CAMKMT: variants seen among roughly 807,000 people sequenced by gnomAD.
CAMKMT encodes CaM KMT.
Under a neutral mutation model 48.0 loss-of-function variants are expected in CAMKMT, and 53 were observed. The observed-to-expected ratio is 1.10, with a 90% confidence interval of 0.89 to 1.39. CAMKMT has a LOEUF of 1.39. Among genes scored for constraint, CAMKMT ranks in the 40% most tolerant of loss-of-function variants. The pLI is 0.00. For missense variants in CAMKMT, 428 were observed against 402.7 expected (o/e 1.06, Z -0.54); for synonymous variants, 165 against 152.3 (o/e 1.08, Z -0.61).
At chr2:44,682,007 C>A (rs1039448884) in intron 3 of CAMKMT, among the ~76,000 whole-genome samples, 2 of 152,166 alleles carry the variant, frequency 1.3e-5, no homozygotes, top group African/African-American at 4.8e-5. Context: ...GATAAGTCTG[C>A]CCTTTTTTCT....
At chr2:44,606,857 A>G (rs887171678) in intron 3 of CAMKMT, among the ~76,000 whole-genome samples, 1 of 147,666 alleles carries the variant, frequency 6.8e-6, no homozygotes, top group African/African-American at 2.5e-5. Context: ...TCTATAGTTT[A>G]TCATTAAAAG....
chr2:44,616,074 G>A (rs1336093919), intron 3 of CAMKMT, among the ~76,000 whole-genome samples: 1 of 152,030 alleles, frequency 6.6e-6, no homozygotes, highest in Non-Finnish European at 1.5e-5. Context: ...CTTCTCCCCC[G>A]ACCTCCAGTC....
intron 3 of CAMKMT, among the ~76,000 whole-genome samples, chr2:44,422,178 A>T (rs1023356716): frequency 5.3e-5 from 8 of 152,168 alleles, no homozygotes; most frequent in Non-Finnish European, 1.2e-4. Flanking sequence ...CTGGTTGTTT[A>T]AAAGTGTGTA....
intron 3 of CAMKMT, among the ~76,000 whole-genome samples, chr2:44,537,085 T>A (rs1666817042): frequency 6.6e-6 from 1 of 152,088 alleles, no homozygotes; most frequent in Non-Finnish European, 1.5e-5. Flanking sequence ...GGGGAAACAG[T>A]TTAGGACACT....
intron 3 of CAMKMT, among the ~76,000 whole-genome samples, chr2:44,398,173 G>T (rs1337683374): frequency 1.3e-5 from 2 of 152,182 alleles, no homozygotes; most frequent in Non-Finnish European, 2.9e-5. Flanking sequence ...GGAAACTGAT[G>T]TCCAGAACAA....
At chr2:44,684,874 C>T (rs952668793) in intron 3 of CAMKMT, among the ~76,000 whole-genome samples, 1 of 151,842 alleles carries the variant, frequency 6.6e-6, no homozygotes, top group Non-Finnish European at 1.5e-5. Flanking sequence ...AGAAACTTAC[C>T]CACACAAGAA....
intron 3 of CAMKMT, among the ~76,000 whole-genome samples, chr2:44,489,242 TA>T (rs1284528314): frequency 8.9e-6 from 1 of 112,086 alleles, no homozygotes; most frequent in Non-Finnish European, 1.8e-5. Context: ...CATGGAATAC[TA>T]TTTTTTTTTT....
chr2:44,628,455 G>C (rs566745400), intron 3 of CAMKMT, among the ~76,000 whole-genome samples: 20 of 151,544 alleles, frequency 1.3e-4, no homozygotes, highest in South Asian at 1.0e-3. Flanking sequence ...GACTTTTCTA[G>C]CTTCCAAAAG....
intron 3 of CAMKMT, among the ~76,000 whole-genome samples, chr2:44,699,082 A>G (rs1239444753): frequency 1.3e-5 from 2 of 151,892 alleles, no homozygotes. Flanking sequence ...TGCTATTTCC[A>G]CCTCTCAAAA....
intron 3 of CAMKMT, among the ~76,000 whole-genome samples, chr2:44,457,912 T>C (rs1336468426): frequency 1.3e-5 from 2 of 152,138 alleles, no homozygotes; most frequent in Admixed American, 1.3e-4. Context: ...AAATGAATAG[T>C]GAACCCTCAG....
chr2:44,682,194 C>G (rs978783838), intron 3 of CAMKMT, among the ~76,000 whole-genome samples: 1 of 152,128 alleles, frequency 6.6e-6, no homozygotes, highest in East Asian at 1.9e-4. Flanking sequence ...ATACACTGAA[C>G]TTTTTCCCCT....
rs558214046 is a variant in CAMKMT at position 44,460,867 on chromosome 2, C to T, written c.376+70562C>T. ...CCTCCCGAGTAGCTGAGATCACAGG[C>T]GCATACCACCACACCCAGCTAATTT... On this transcript the variant is annotated intron_variant, in intron 3 of 10. Transcript: ENST00000378494. Among the ~76,000 whole-genome samples the T allele has an allele frequency of 5.3e-5, 8 of 152,016 alleles. No homozygotes were observed. In the South Asian group the frequency reaches 8.3e-4, roughly 16 times the overall value.
intron 3 of CAMKMT, among the ~76,000 whole-genome samples, chr2:44,559,636 CT>C (rs1225543176): frequency 6.6e-6 from 1 of 152,078 alleles, no homozygotes; most frequent in Admixed American, 6.6e-5. Context: ...TACACAGGGT[CT>C]AGTTGAGCAG....
rs184030994 is a variant in CAMKMT, at chr2:44,456,885, G to A, written c.376+66580G>A. 98 of 324,588 alleles carry A rather than the reference G, an allele frequency of 3.0e-4. No individual in the cohort carries two copies. In the East Asian group the frequency reaches 5.2e-3, roughly 17 times the overall value. The allele number at this position is 324,588 out of a possible 1,614,324, so 20.1% of individuals were successfully genotyped here. On this transcript the variant is annotated intron_variant, in intron 3 of 10. Transcript: ENST00000378494. ...GGATACTAACTCTTAACTCATTCAA[G>A]CAAGCTTCTCGGCTATATCATTACA...
chr2:44,528,389 A>G (rs1211298071), intron 3 of CAMKMT, among the ~76,000 whole-genome samples: 4 of 152,258 alleles, frequency 2.6e-5, no homozygotes, highest in African/African-American at 9.6e-5. Flanking sequence ...TTCCCCAGTT[A>G]CCAACACTTG....
At chr2:44,542,658 A>G (rs2103620197) in intron 3 of CAMKMT, among the ~76,000 whole-genome samples, 1 of 152,324 alleles carries the variant, frequency 6.6e-6, no homozygotes, top group South Asian at 2.1e-4. Flanking sequence ...TAGTTGCAAG[A>G]TAAGAAGAGG....
intron 3 of CAMKMT, among the ~76,000 whole-genome samples, chr2:44,621,035 G>T (rs1365562819): frequency 6.6e-6 from 1 of 152,154 alleles, no homozygotes; most frequent in African/African-American, 2.4e-5. Context: ...TTGGGAGGCC[G>T]AGGCGGGCGG....
intron 3 of CAMKMT, among the ~76,000 whole-genome samples, chr2:44,412,185 C>G (rs1246726708): frequency 6.6e-6 from 1 of 152,054 alleles, no homozygotes; most frequent in Non-Finnish European, 1.5e-5. Flanking sequence ...TGATAACCCA[C>G]AAAGAGTCTG....
chr2:44,583,774 C>T (rs923489040), intron 3 of CAMKMT, among the ~76,000 whole-genome samples: 4 of 151,542 alleles, frequency 2.6e-5, no homozygotes, highest in African/African-American at 9.7e-5. Flanking sequence ...GCATCCTGGG[C>T]AACAGATCAA....
Sources: gnomAD v4.1 joint callset for allele counts (sites outside exome capture counted in the v4.1 genomes callset) on GRCh38, gnomAD v4.1.1 for gene constraint, MANE v1.5 for transcripts, NCBI Gene and HGNC (gene_info 2026-07-23, HGNC 2026-07-21) for gene names.